CLPTM1: variants seen among roughly 807,000 people sequenced by gnomAD.
The protein encoded by CLPTM1 is CLPTM1 regulator of GABA type A receptor forward trafficking.
CLPTM1 carries 21 observed loss-of-function variants against 77.3 expected under a neutral mutation model. The ratio of observed to expected loss-of-function variants is 0.27; its 90% CI spans 0.19 to 0.39. The LOEUF (loss-of-function observed/expected upper bound fraction) is 0.39. Ranked by LOEUF, CLPTM1 falls within the 10% of genes least tolerant of loss-of-function variation. The pLI is 1.00. For synonymous variants in CLPTM1, 373 were observed against 381.0 expected (o/e 0.98, Z 0.24); for missense variants, 642 against 921.2 (o/e 0.70, Z 3.92).
At chr19:44,977,642 C>A (rs1970826543) in intron 5 of CLPTM1, among the ~76,000 whole-genome samples, 182 bp downstream of exon 5, 1 of 152,136 alleles carries the variant, frequency 6.6e-6, no homozygotes, top group Admixed American at 6.5e-5. Flanking sequence ...CCTGTGGACA[C>A]TAAGCAGGGA....
intron 3 of CLPTM1, among the ~76,000 whole-genome samples, chr19:44,973,658 G>A (rs934607347): frequency 1.3e-5 from 2 of 151,924 alleles, no homozygotes; most frequent in Admixed American, 6.6e-5. Context: ...GGCTTCAGGA[G>A]CCTCCAGAGC....
rs140023459 is a variant in CLPTM1, at chr19:44,958,923, C to G, written c.73-3040C>G. The stretch of plus-strand genomic sequence containing the variant: ...TAAACAACATCCAGTCTTTTGTGTC[C>G]AGCTTCTTTCATTGGGCATAATGGG... On this transcript the variant is annotated intron_variant, in intron 1 of 13. Transcript: ENST00000337392. Among the ~76,000 whole-genome samples the G allele has an allele frequency of 9.9e-5, 15 of 152,282 alleles. 1 individual carries two copies. The East Asian group carries it at 2.9e-3, about 29-fold the overall frequency.
intron 2 of CLPTM1, among the ~76,000 whole-genome samples, chr19:44,970,318 G>A (rs1399778248): frequency 6.8e-6 from 1 of 146,862 alleles, no homozygotes; most frequent in Non-Finnish European, 1.5e-5. Flanking sequence ...CTCAGGGGTG[G>A]AGGCTTGCAC....
rs768462165 is a variant in CLPTM1, at chr19:44,985,188, G to T, written c.587-30G>T. The T allele has an allele frequency of 2.1e-5, 34 of 1,582,674 alleles. 1 individual carries two copies. The South Asian group carries it at 3.6e-4, about 17-fold the overall frequency. On this transcript the variant is annotated intron_variant, in intron 5 of 13. Transcript: ENST00000337392. ...GGCTGCAGGTGCCAGCAGGTCTCAC[G>T]TCCCCTCCTTTCCCACCTCCCAACC...
At chr19:44,957,014 G>C (rs896828547) in intron 1 of CLPTM1, among the ~76,000 whole-genome samples, 2 of 152,298 alleles carry the variant, frequency 1.3e-5, no homozygotes, top group East Asian at 3.9e-4. Flanking sequence ...CTACGCACTA[G>C]ATGTCAGTAG....
chr19:44,985,381 C>A, intron 6 of CLPTM1, 78 bp downstream of exon 6: 2 of 966,522 alleles, frequency 2.1e-6, no homozygotes, highest in East Asian at 2.5e-5. Flanking sequence ...CTGGGGCTGT[C>A]ATCTGTCACC....
chr19:44,959,248 C>T (rs1201365877), intron 1 of CLPTM1, among the ~76,000 whole-genome samples: 1 of 151,386 alleles, frequency 6.6e-6, no homozygotes, highest in Non-Finnish European at 1.5e-5. Context: ...GTAAGAGAGA[C>T]AGGGTCTCCC....
At chr19:44,976,785 C>T (rs1291811339) in intron 4 of CLPTM1, among the ~76,000 whole-genome samples, 1 of 152,148 alleles carries the variant, frequency 6.6e-6, no homozygotes, top group African/African-American at 2.4e-5. Context: ...TTTCCATCTG[C>T]GTACTTGCCA....
rs751026814 is a variant in CLPTM1 at position 44,988,060 on chromosome 19, C to G, written c.1039-20C>G. 6.3e-7 allele frequency: 1 copy of G among 1,576,302 alleles called. No individual in the cohort carries two copies. The highest frequency in any genetic ancestry group is 8.7e-7 in the Non-Finnish European group (1 of 1,145,574). On this transcript the variant is annotated intron_variant, in intron 8 of 13. Transcript: ENST00000337392. The stretch of plus-strand genomic sequence containing the variant: ...TGCTCCTGGGTGGGGACAGGCTGTG[C>G]TCACATGTGTCCCCTGCAGGTGGCC...
intron 2 of CLPTM1, among the ~76,000 whole-genome samples, chr19:44,972,254 CT>C (rs538662344): frequency 3.1e-4 from 44 of 140,314 alleles, no homozygotes; most frequent in East Asian, 4.3e-4. Flanking sequence ...CTCATTCATT[CT>C]TTTTTTTTTT....
chr19:44,956,647 A>G (rs946441792), intron 1 of CLPTM1, among the ~76,000 whole-genome samples: 4 of 152,302 alleles, frequency 2.6e-5, no homozygotes, highest in South Asian at 2.1e-4. Flanking sequence ...CCTGTCTTCA[A>G]GGGTTTCCCA....
intron 6 of CLPTM1, among the ~76,000 whole-genome samples, chr19:44,986,119 A>G (rs1371577409): frequency 6.6e-6 from 1 of 152,130 alleles, no homozygotes; most frequent in Non-Finnish European, 1.5e-5. Context: ...AGGCCGAAGC[A>G]GAAGGATCAC....
chr19:44,988,046 G>C (rs1185867646), intron 8 of CLPTM1, 34 bp from the exon 9 acceptor site: 2 of 1,506,820 alleles, frequency 1.3e-6, no homozygotes, highest in South Asian at 2.2e-5. Flanking sequence ...GCTCCTGGGT[G>C]GGGACAGGCT....
intron 2 of CLPTM1, among the ~76,000 whole-genome samples, chr19:44,963,615 G>A (rs547090179): frequency 4.7e-5 from 7 of 150,248 alleles, no homozygotes; most frequent in African/African-American, 1.7e-4. Context: ...GTGAGCCACC[G>A]CACCCAGCCT....
At chr19:44,988,619 G>A (rs774997430) in intron 9 of CLPTM1, among the ~76,000 whole-genome samples, 3 of 152,238 alleles carry the variant, frequency 2.0e-5, no homozygotes, top group Non-Finnish European at 1.5e-5. Context: ...GATGGCCAGC[G>A]TTTGAGGAGA....
chr19:44,989,339 A>G (rs1971032267), intron 9 of CLPTM1, among the ~76,000 whole-genome samples: 1 of 152,170 alleles, frequency 6.6e-6, no homozygotes, highest in African/African-American at 2.4e-5. Flanking sequence ...AATGAGGCAC[A>G]AGAAGGCTGT....
At chr19:44,971,755 C>T (rs1188807190) in intron 2 of CLPTM1, among the ~76,000 whole-genome samples, 1 of 151,782 alleles carries the variant, frequency 6.6e-6, no homozygotes, top group Admixed American at 6.6e-5. Flanking sequence ...GACGGGATTT[C>T]ATCATGTTGC....
intron 5 of CLPTM1, among the ~76,000 whole-genome samples, chr19:44,978,033 C>T (rs956792775): frequency 1.3e-5 from 2 of 151,910 alleles, no homozygotes; most frequent in Non-Finnish European, 2.9e-5. Flanking sequence ...TCGCTTGAGC[C>T]CAGGAGGTGG....
At position 44,959,021 on chromosome 19, in the gene CLPTM1, G is replaced by A. The variant is rs143633654; in HGVS notation, c.73-2942G>A. Among the ~76,000 whole-genome samples the A allele has an allele frequency of 3.4e-3, 516 of 152,286 alleles. 4 individuals carry two copies. Among genetic ancestry groups the A allele is most frequent in the African/African-American group, 0.012 (488 of 41,538 alleles). On this transcript the variant is annotated intron_variant, in intron 1 of 13. Coordinates refer to ENST00000337392, the MANE Select transcript of CLPTM1 (RefSeq NM_001294.4). ...TTATTTTTTACAACCTAGGATCAGG[G>A]AAATTTGGCCTTTGGGGAAATCCTA... is the stretch of plus-strand genomic sequence containing the variant.
Sources: gnomAD v4.1 joint callset for allele counts (sites outside exome capture counted in the v4.1 genomes callset) on GRCh38, gnomAD v4.1.1 for gene constraint, MANE v1.5 for transcripts, NCBI Gene and HGNC (gene_info 2026-07-23, HGNC 2026-07-21) for gene names.